ACMSD: variants seen among roughly 807,000 people sequenced by gnomAD.
The protein encoded by ACMSD is aminocarboxymuconate semialdehyde decarboxylase.
Under a neutral mutation model 45.9 loss-of-function variants are expected in ACMSD, and 37 were observed. The ratio of observed to expected loss-of-function variants is 0.81; its 90% CI spans 0.62 to 1.06. ACMSD has a LOEUF of 1.06. ACMSD is among the 50% of genes least tolerant of loss of function. The probability of loss-of-function intolerance (pLI) is 0.00; values close to 1 mark genes in which losing one functional copy is unlikely to be tolerated. For missense variants in ACMSD, 434 were observed against 420.9 expected (o/e 1.03, Z -0.27); for synonymous variants, 138 against 148.8 (o/e 0.93, Z 0.53).
In ACMSD at chr2:134,867,838, T is replaced by C. The variant is rs75616433; in HGVS notation, c.580+166T>C. 3,568 of 443,884 alleles carry C rather than the reference T, an allele frequency of 8.0e-3. 111 individuals carry two copies. The highest frequency in any genetic ancestry group is 0.065 in the African/African-American group (3,248 of 50,168). 27.5% of individuals were successfully genotyped at this position (443,884 alleles called of 1,614,324 possible). A position where few individuals can be genotyped will look rare whatever the true frequency, so the allele number is the denominator to read the frequency against. On this transcript the variant is annotated intron_variant, in intron 6 of 9. Transcript: ENST00000356140. The stretch of plus-strand genomic sequence containing the variant: ...CTTACTTGGATTAATGCTATATATA[T>C]ATATATAACCTCATTTAATTTTAAA...
At chr2:134,885,033 G>A (rs1249454112) in intron 8 of ACMSD, among the ~76,000 whole-genome samples, 3 of 150,124 alleles carry the variant, frequency 2.0e-5, no homozygotes, top group African/African-American at 4.9e-5. Flanking sequence ...CTGTCTCTAC[G>A]GAAAATTCAA....
At chr2:134,884,855 T>C (rs1480195756) in intron 8 of ACMSD, among the ~76,000 whole-genome samples, 1 of 152,106 alleles carries the variant, frequency 6.6e-6, no homozygotes, top group Non-Finnish European at 1.5e-5. Context: ...CAAAGTGTCA[T>C]TTATCCTCAA....
At chr2:134,893,684 G>T (rs1689925996) in intron 8 of ACMSD, among the ~76,000 whole-genome samples, 1 of 152,014 alleles carries the variant, frequency 6.6e-6, no homozygotes, top group Admixed American at 6.6e-5. Flanking sequence ...CAAATTTAAA[G>T]TACTAAAAGA....
At chr2:134,854,925 A>T (rs1687510609) in intron 2 of ACMSD, among the ~76,000 whole-genome samples, 1 of 152,158 alleles carries the variant, frequency 6.6e-6, no homozygotes, top group Admixed American at 6.6e-5. Flanking sequence ...GAATGCAAAG[A>T]CTGTGCTCTT....
intron 4 of ACMSD, chr2:134,863,096 A>G: frequency 1.0e-6 from 1 of 954,720 alleles, no homozygotes; most frequent in Admixed American, 6.2e-5. Context: ...GCAGTGGCCC[A>G]TGCTCATTCC....
At position 134,886,243 on chromosome 2, in the gene ACMSD, A is replaced by ATT. The variant is rs200101134; in HGVS notation, c.850-12097_850-12096dup. On this transcript the variant is annotated intron_variant, in intron 8 of 9. Coordinates refer to ENST00000356140, the MANE Select transcript of ACMSD (RefSeq NM_138326.3). Reference sequence around the variant, plus strand: ...AATTCATTACCCATTCATTATTATTATTATTTTTTTTTTTTTTTTTTTTTT... The same window carrying ATT: ...AATTCATTACCCATTCATTATTATTATTTTATTTTTTTTTTTTTTTTTTTTTT... 2.2e-4 allele frequency among the ~76,000 whole-genome samples: 27 copies of ATT among 123,512 alleles called. 1 individual carries two copies. Among genetic ancestry groups the ATT allele is most frequent in the East Asian group, 1.7e-3 (7 of 4,032 alleles). 81.0% of individuals were successfully genotyped at this position (123,512 alleles called of 152,430 possible).
At chr2:134,869,887 T>TA in intron 6 of ACMSD, among the ~76,000 whole-genome samples, 1 of 152,094 alleles carries the variant, frequency 6.6e-6, no homozygotes, top group African/African-American at 2.4e-5. Context: ...ATGGTTCAAG[T>TA]AATTATGGGA....
At position 134,847,558 on chromosome 2, in the gene ACMSD, C is replaced by T. The variant is rs367799682; in HGVS notation, c.102+2281C>T. ...AAGTGCCATGGTGGTTCACTGCACC[C>T]ATCAACTCGTCATCTACATTAGGTA... On this transcript the variant is annotated intron_variant, in intron 2 of 9. Coordinates refer to ENST00000356140, the MANE Select transcript of ACMSD (RefSeq NM_138326.3). 2.2e-3 allele frequency among the ~76,000 whole-genome samples: 339 copies of T among 152,210 alleles called. 19 individuals are homozygous for T. The South Asian group carries it at 0.07, about 31-fold the overall frequency.
chr2:134,849,011 G>A (rs1046012018), intron 2 of ACMSD, among the ~76,000 whole-genome samples: 2 of 152,096 alleles, frequency 1.3e-5, no homozygotes, highest in African/African-American at 4.8e-5. Context: ...GCTCTAAGCT[G>A]GCCTCAAGTC....
At chr2:134,887,846 A>T (rs2104939006) in intron 8 of ACMSD, among the ~76,000 whole-genome samples, 1 of 152,346 alleles carries the variant, frequency 6.6e-6, no homozygotes, top group East Asian at 1.9e-4. Flanking sequence ...ACCCTATCTC[A>T]TACCAGCCAT....
chr2:134,899,364 A>G (rs1409590518), intron 9 of ACMSD, among the ~76,000 whole-genome samples: 2 of 152,126 alleles, frequency 1.3e-5, no homozygotes, highest in Non-Finnish European at 2.9e-5. Flanking sequence ...TTTTATACAC[A>G]AAGTGTCCCT....
At chr2:134,865,710 T>A (rs1229502032) in intron 5 of ACMSD, among the ~76,000 whole-genome samples, 1 of 152,230 alleles carries the variant, frequency 6.6e-6, no homozygotes, top group Non-Finnish European at 1.5e-5. Context: ...GTGATCCTGG[T>A]ACTCCAAAGG....
chr2:134,842,881 CT>C (rs1686870146), intron 1 of ACMSD, among the ~76,000 whole-genome samples: 1 of 152,168 alleles, frequency 6.6e-6, no homozygotes, highest in East Asian at 1.9e-4. Flanking sequence ...TCTGCCTTTC[CT>C]ACCTCCCTAT....
intron 8 of ACMSD, among the ~76,000 whole-genome samples, chr2:134,885,361 C>T (rs7572291): frequency 0.041 from 3,893 of 95,688 alleles, 181 homozygotes; most frequent in East Asian, 0.15. Context: ...TATATATTTA[C>T]ATATATATTA....
intron 8 of ACMSD, chr2:134,873,694 A>C (rs1688585373): frequency 6.6e-6 from 1 of 152,232 alleles, no homozygotes; most frequent in Non-Finnish European, 1.5e-5. Context: ...TAAGCATTTT[A>C]GCTTGGTAAT....
At chr2:134,839,279 C>T (rs556182573) in intron 1 of ACMSD, among the ~76,000 whole-genome samples, 1 of 152,116 alleles carries the variant, frequency 6.6e-6, no homozygotes, top group East Asian at 1.9e-4. Context: ...AATCTTTGTC[C>T]TGAAGAACTA....
At chr2:134,898,280 T>C (rs1672435285) in intron 8 of ACMSD, 61 bp from the exon 9 acceptor site, 2 of 1,032,692 alleles carry the variant, frequency 1.9e-6, no homozygotes, top group Non-Finnish European at 2.8e-6. Flanking sequence ...TAAACAATTG[T>C]TTACAGGAGG....
chr2:134,871,878 T>A (rs1299815280), intron 7 of ACMSD, among the ~76,000 whole-genome samples: 4 of 152,156 alleles, frequency 2.6e-5, no homozygotes, highest in Admixed American at 2.6e-4. Flanking sequence ...CCCCGACTGA[T>A]AGGTTGTCTC....
chr2:134,854,476 C>A (rs1276974970), intron 2 of ACMSD, among the ~76,000 whole-genome samples: 1 of 152,178 alleles, frequency 6.6e-6, no homozygotes, highest in Non-Finnish European at 1.5e-5. Flanking sequence ...GATGCTCATG[C>A]TAATGCTGCC....
Sources: allele counts gnomAD v4.1 joint callset (sites outside exome capture counted in the v4.1 genomes callset), GRCh38; gene constraint gnomAD v4.1.1; transcripts MANE v1.5; gene names NCBI Gene and HGNC (gene_info 2026-07-23, HGNC 2026-07-21).